KCTD16: variants seen among roughly 807,000 people sequenced by gnomAD.
KCTD16 encodes potassium channel tetramerization domain containing 16.
Under a neutral mutation model 33.2 loss-of-function variants are expected in KCTD16, and 13 were observed. The observed-to-expected ratio is 0.39, with a 90% CI of 0.25 to 0.62. The LOEUF (loss-of-function observed/expected upper bound fraction) is 0.62. Ranked by LOEUF, KCTD16 falls within the 20% of genes least tolerant of loss-of-function variation. KCTD16 has a pLI of 0.50. For missense variants in KCTD16, 441 were observed against 525.1 expected (o/e 0.84, Z 1.57); for synonymous variants, 197 against 195.3 (o/e 1.01, Z -0.07).
rs964933687 is a variant in KCTD16, at chr5:144,485,344, T to C, written c.*11230T>C. On this transcript the variant is annotated 3_prime_UTR_variant, in exon 4 of 4. Transcript: ENST00000512467. ...TGTATGCAATATCTACACTGCGAAT[T>C]ACTACCATCTATTCTCACTGCCAAT... The C allele has an allele frequency of 6.6e-6, 1 of 151,942 alleles. No homozygotes were observed. The highest frequency in any genetic ancestry group is 2.4e-5 in the African/African-American group (1 of 41,410). 9.4% of individuals were successfully genotyped at this position (151,942 alleles called of 1,614,324 possible). A position where few individuals can be genotyped will look rare whatever the true frequency, so the allele number is the denominator to read the frequency against.
intron 3 of KCTD16, among the ~76,000 whole-genome samples, chr5:144,413,952 C>A (rs58792548): frequency 0.013 from 2,003 of 152,170 alleles, 40 homozygotes; most frequent in African/African-American, 0.045. Flanking sequence ...TTGCAGAGTC[C>A]TCATCTGTGA....
intron 3 of KCTD16, among the ~76,000 whole-genome samples, chr5:144,355,202 A>G (rs549718190): frequency 1.3e-5 from 2 of 152,312 alleles, no homozygotes; most frequent in South Asian, 4.1e-4. Flanking sequence ...TTCAGATGAC[A>G]ACAATATCAA....
At chr5:144,372,501 T>C (rs1452243311) in intron 3 of KCTD16, among the ~76,000 whole-genome samples, 1 of 152,176 alleles carries the variant, frequency 6.6e-6, no homozygotes, top group Admixed American at 6.5e-5. Flanking sequence ...GTAATCATAA[T>C]ATAATGGTGG....
At chr5:144,209,291 G>A (rs1330985517) in intron 3 of KCTD16, among the ~76,000 whole-genome samples, 1 of 152,150 alleles carries the variant, frequency 6.6e-6, no homozygotes, top group African/African-American at 2.4e-5. Context: ...GCATTTCTGT[G>A]TTCATCAAAG....
intron 3 of KCTD16, among the ~76,000 whole-genome samples, chr5:144,341,098 T>C (rs1218107068): frequency 6.6e-6 from 1 of 152,134 alleles, no homozygotes; most frequent in African/African-American, 2.4e-5. Context: ...GATGGCACTT[T>C]GGCTCTTTGA....
intron 3 of KCTD16, among the ~76,000 whole-genome samples, chr5:144,463,752 T>C (rs1754256675): frequency 6.6e-6 from 1 of 152,154 alleles, no homozygotes; most frequent in Non-Finnish European, 1.5e-5. Context: ...GACAAGAGAG[T>C]CTGATTCATA....
chr5:144,302,668 A>G (rs1751474357), intron 3 of KCTD16, among the ~76,000 whole-genome samples: 2 of 152,246 alleles, frequency 1.3e-5, no homozygotes, highest in Admixed American at 1.3e-4. Context: ...GTATCAAAGA[A>G]AGAATAACTT....
chr5:144,377,968 T>TTG (rs1410823895), intron 3 of KCTD16: 1 of 152,234 alleles, frequency 6.6e-6, no homozygotes, highest in African/African-American at 2.4e-5. Flanking sequence ...AATGTATGTG[T>TTG]TGTGTGTGTC....
intron 3 of KCTD16, among the ~76,000 whole-genome samples, chr5:144,357,536 T>C (rs1048278454): frequency 1.3e-5 from 2 of 152,188 alleles, no homozygotes; most frequent in African/African-American, 4.8e-5. Context: ...TGGTGCCTGG[T>C]GCTATAGTAG....
At chr5:144,309,715 C>T (rs1192584331) in intron 3 of KCTD16, among the ~76,000 whole-genome samples, 1 of 152,158 alleles carries the variant, frequency 6.6e-6, no homozygotes, top group East Asian at 1.9e-4. Context: ...TCTTAAATAA[C>T]TCACACACTG....
intron 3 of KCTD16, among the ~76,000 whole-genome samples, chr5:144,390,627 T>A (rs1161185934): frequency 1.3e-5 from 2 of 152,088 alleles, no homozygotes; most frequent in African/African-American, 4.8e-5. Flanking sequence ...TGCTGCACCC[T>A]TCAACCTGTC....
intron 3 of KCTD16, among the ~76,000 whole-genome samples, chr5:144,460,616 A>C (rs777579243): frequency 7.2e-5 from 11 of 152,052 alleles, no homozygotes; most frequent in Non-Finnish European, 1.3e-4. Flanking sequence ...TAATTTTTGT[A>C]TATTTAGTAG....
At chr5:144,322,326 G>A (rs1467787723) in intron 3 of KCTD16, among the ~76,000 whole-genome samples, 1 of 152,102 alleles carries the variant, frequency 6.6e-6, no homozygotes, top group Non-Finnish European at 1.5e-5. Context: ...TGATCAATCA[G>A]CATCTTCCAT....
At chr5:144,188,353 G>A (rs113155242) in intron 2 of KCTD16, among the ~76,000 whole-genome samples, 35 of 152,298 alleles carry the variant, frequency 2.3e-4, no homozygotes, top group African/African-American at 8.4e-4. Context: ...TCTTATGTCT[G>A]TCAAGAGAAA....
intron 3 of KCTD16, among the ~76,000 whole-genome samples, chr5:144,276,389 G>A (rs748044399): frequency 5.9e-5 from 9 of 152,154 alleles, no homozygotes; most frequent in Non-Finnish European, 1.0e-4. Context: ...TAGACATTCA[G>A]ATTACTTATA....
intron 3 of KCTD16, among the ~76,000 whole-genome samples, chr5:144,381,539 G>A (rs1752215340): frequency 6.6e-6 from 1 of 152,168 alleles, no homozygotes; most frequent in Non-Finnish European, 1.5e-5. Context: ...CAATCATGAT[G>A]GAAGGCAAAG....
At chr5:144,381,910 G>A (rs1234807215) in intron 3 of KCTD16, among the ~76,000 whole-genome samples, 2 of 152,102 alleles carry the variant, frequency 1.3e-5, no homozygotes, top group Non-Finnish European at 1.5e-5. Context: ...ATTCTTCTAA[G>A]AAGCCACATG....
intron 3 of KCTD16, among the ~76,000 whole-genome samples, chr5:144,357,642 G>T (rs1282227989): frequency 6.6e-6 from 1 of 152,134 alleles, no homozygotes; most frequent in Non-Finnish European, 1.5e-5. Context: ...ATGAATAGAA[G>T]ACTGTCTAAA....
At chr5:144,304,770 T>C (rs147213934) in intron 3 of KCTD16, among the ~76,000 whole-genome samples, 317 of 152,244 alleles carry the variant, frequency 2.1e-3, no homozygotes, top group African/African-American at 7.4e-3. Context: ...GTGATTGATC[T>C]GTTTGTCCTG....
Sources: gnomAD v4.1 joint callset for allele counts (sites outside exome capture counted in the v4.1 genomes callset) on GRCh38, gnomAD v4.1.1 for gene constraint, MANE v1.5 for transcripts, NCBI Gene and HGNC (gene_info 2026-07-23, HGNC 2026-07-21) for gene names.